Variants in COL22A1 observed in about 807,000 individuals in gnomAD.
COL22A1 encodes the protein collagen alpha-1(XXII) chain.
In COL22A1, 221 loss-of-function variants were observed where a neutral mutation model predicts 248.9. The observed-to-expected ratio is 0.89, with a 90% CI of 0.80 to 0.99. COL22A1 has a LOEUF of 0.99. Among genes scored for constraint, COL22A1 ranks in the 50% least tolerant of loss-of-function variants. The pLI is 0.00. For missense variants in COL22A1, 2,240 were observed against 2,179.0 expected (o/e 1.03, Z -0.56); for synonymous variants, 891 against 793.4 (o/e 1.12, Z -2.07).
At chr8:138,858,471 C>T (rs957176201) in intron 3 of COL22A1, among the ~76,000 whole-genome samples, 1 of 152,118 alleles carries the variant, frequency 6.6e-6, no homozygotes, top group African/African-American at 2.4e-5. Context: ...GCCTCCAACT[C>T]CTGGGCTCAA....
chr8:138,910,510 T>A (rs780703306), intron 1 of COL22A1, among the ~76,000 whole-genome samples: 2 of 152,172 alleles, frequency 1.3e-5, no homozygotes, highest in African/African-American at 2.4e-5. Context: ...ACTCTCTCTG[T>A]TCCCTGGTCT....
At chr8:138,627,368 C>T (rs1022373114) in intron 50 of COL22A1, among the ~76,000 whole-genome samples, 1 of 152,140 alleles carries the variant, frequency 6.6e-6, no homozygotes, top group Non-Finnish European at 1.5e-5. Context: ...ACTGTCACAC[C>T]CACTGGTTTG....
intron 56 of COL22A1, among the ~76,000 whole-genome samples, chr8:138,609,093 C>T (rs1818655753): frequency 6.6e-6 from 1 of 152,254 alleles, no homozygotes; most frequent in Admixed American, 6.5e-5. Context: ...GCATGTTCCA[C>T]TATAAAGTAG....
intron 16 of COL22A1, among the ~76,000 whole-genome samples, chr8:138,770,087 C>G (rs1834237961): frequency 6.6e-6 from 1 of 152,158 alleles, no homozygotes; most frequent in Non-Finnish European, 1.5e-5. Flanking sequence ...GGTACCTGCA[C>G]TGGTGGAGGC....
At chr8:138,882,501 C>T (rs1239320286) in intron 2 of COL22A1, among the ~76,000 whole-genome samples, 4 of 151,000 alleles carry the variant, frequency 2.6e-5, no homozygotes, top group Admixed American at 2.0e-4. Context: ...TCCTCACACA[C>T]TTCGTCAAAC....
chr8:138,904,800 C>T (rs1269276931), intron 1 of COL22A1, among the ~76,000 whole-genome samples: 1 of 152,154 alleles, frequency 6.6e-6, no homozygotes, highest in Non-Finnish European at 1.5e-5. Flanking sequence ...TTTGGAGGTG[C>T]CATCCCAGCA....
At chr8:138,865,038 A>T (rs1031753917) in intron 3 of COL22A1, among the ~76,000 whole-genome samples, 2 of 152,246 alleles carry the variant, frequency 1.3e-5, no homozygotes, top group Admixed American at 1.3e-4. Context: ...ATTGATGTAA[A>T]TAAGAACCTA....
chr8:138,844,130 T>C lies in COL22A1; in HGVS notation c.687A>G (p.Glu229=), dbSNP rs1821069999. The C allele has an allele frequency of 1.2e-6, 2 of 1,613,314 alleles. No individual in the cohort carries two copies. The highest frequency in any genetic ancestry group is 1.7e-6 in the Non-Finnish European group (2 of 1,179,572). ...CATTGGTGTGCTTAAAGCGATCTCCTTCTACACGAACGCTAGGACAGAGCA... is the reference window on the plus strand; with the variant it reads ...CATTGGTGTGCTTAAAGCGATCTCCCTCTACACGAACGCTAGGACAGAGCA... ...ENVLCPSVRV[E]GDRFKHTNGG... is the part of the protein sequence containing the mutation. Residue 229 remains glutamate (E), a synonymous_variant, in exon 4 of 65, where the codon GAA becomes GAG. Coordinates refer to ENST00000303045, the MANE Select transcript of COL22A1 (RefSeq NM_152888.3).
intron 8 of COL22A1, among the ~76,000 whole-genome samples, chr8:138,812,170 T>G (rs1471306964): frequency 2.0e-5 from 3 of 152,222 alleles, no homozygotes; most frequent in Non-Finnish European, 4.4e-5. Context: ...CAGTTCCCGC[T>G]GTCCCTATTC....
chr8:138,660,927 G>GACACACACATAA (rs1419094424), intron 43 of COL22A1, among the ~76,000 whole-genome samples: 2 of 82,208 alleles, frequency 2.4e-5, no homozygotes, highest in African/African-American at 1.3e-4. Flanking sequence ...CACACACACA[G>GACACACACATAA]ACACACAGAC....
intron 3 of COL22A1, among the ~76,000 whole-genome samples, chr8:138,866,718 A>C (rs16893545): frequency 0.22 from 33,654 of 152,210 alleles, 5,024 homozygotes; most frequent in African/African-American, 0.42. Context: ...ATTCATATTG[A>C]ACCTCAAACC....
chr8:138,883,888 C>T (rs1824435303), intron 1 of COL22A1, among the ~76,000 whole-genome samples: 1 of 152,168 alleles, frequency 6.6e-6, no homozygotes, highest in African/African-American at 2.4e-5. Context: ...TGGACTAATA[C>T]ACCACCTAAA....
intron 2 of COL22A1, among the ~76,000 whole-genome samples, chr8:138,880,994 T>C (rs1476044852): frequency 1.3e-5 from 2 of 152,148 alleles, no homozygotes; most frequent in African/African-American, 4.8e-5. Flanking sequence ...TGGAGTGTGA[T>C]GTGGAGAGAA....
intron 37 of COL22A1, among the ~76,000 whole-genome samples, chr8:138,687,477 CT>C (rs1317316175): frequency 6.6e-6 from 1 of 152,202 alleles, no homozygotes. Context: ...AGTAGATGAA[CT>C]TGAACTTGAA....
chr8:138,780,810 G>A (rs545549627), intron 13 of COL22A1, 117 bp downstream of exon 13: 18 of 823,418 alleles, frequency 2.2e-5, no homozygotes, highest in African/African-American at 6.7e-5. Flanking sequence ...ATATAAATAC[G>A]TCCCCACTCA....
intron 1 of COL22A1, among the ~76,000 whole-genome samples, chr8:138,908,404 T>A (rs1815185407): frequency 6.6e-6 from 1 of 152,250 alleles, no homozygotes. Context: ...TTTTGTTACT[T>A]TTTAAATTTA....
intron 1 of COL22A1, among the ~76,000 whole-genome samples, chr8:138,912,568 G>T (rs868784111): frequency 2.2e-4 from 34 of 152,066 alleles, no homozygotes; most frequent in African/African-American, 7.2e-4. Context: ...TGGAGAAACC[G>T]CATCTCTACT....
rs536277193 is a variant in COL22A1, at chr8:138,648,226, T to C, written c.3447+1439A>G. On this transcript the variant is annotated intron_variant, in intron 46 of 64. Coordinates refer to ENST00000303045, the MANE Select transcript of COL22A1 (RefSeq NM_152888.3). ...CAGGGTTCCAGAGTGTATGGAGAAA[T>C]TTCGAGGACTGTGGCACGCCCACGA... Among the ~76,000 whole-genome samples the C allele has an allele frequency of 4.1e-4, 62 of 152,252 alleles. 1 individual carries two copies. Among genetic ancestry groups the C allele is most frequent in the Middle Eastern group, 3.4e-3 (1 of 294 alleles).
chr8:138,845,434 G>GGGAGGC (rs1268458152), intron 3 of COL22A1, among the ~76,000 whole-genome samples: 1 of 151,946 alleles, frequency 6.6e-6, no homozygotes, highest in African/African-American at 2.4e-5. Context: ...GCTTGAACCT[G>GGGAGGC]GGAGGCGGAG....
Sources: allele counts gnomAD v4.1 joint callset (sites outside exome capture counted in the v4.1 genomes callset), GRCh38; gene constraint gnomAD v4.1.1; transcripts MANE v1.5; gene names NCBI Gene and HGNC (gene_info 2026-07-23, HGNC 2026-07-21).